The following TCF7L1 variants were observed in gnomAD, a reference collection of about 807,000 sequenced individuals.
TCF7L1 encodes the protein transcription factor 7-like 1.
A neutral mutation model predicts 63.7 loss-of-function variants in TCF7L1; 18 were observed. The ratio of observed to expected loss-of-function variants is 0.28; its 90% CI spans 0.20 to 0.42. TCF7L1 has a LOEUF of 0.42. Among genes scored for constraint, TCF7L1 ranks in the 10% least tolerant of loss-of-function variants. TCF7L1 has a pLI of 1.00. For synonymous variants in TCF7L1, 355 were observed against 340.9 expected (o/e 1.04, Z -0.46); for missense variants, 654 against 779.3 (o/e 0.84, Z 1.91).
chr2:85,147,185 T>G (rs1677898558), intron 3 of TCF7L1, among the ~76,000 whole-genome samples: 1 of 152,178 alleles, frequency 6.6e-6, no homozygotes, highest in Non-Finnish European at 1.5e-5. Flanking sequence ...AAAGTCCCTG[T>G]AGTCTCACAT....
At chr2:85,302,667 C>T (rs1558661544) in intron 5 of TCF7L1, 51 bp downstream of exon 5, 3 of 1,571,286 alleles carry the variant, frequency 1.9e-6, no homozygotes, top group South Asian at 1.2e-5. Flanking sequence ...GCGGGCTTCT[C>T]TTTTGTGGGA....
chr2:85,195,713 AT>A (rs1448802483), intron 3 of TCF7L1, among the ~76,000 whole-genome samples: 1 of 151,732 alleles, frequency 6.6e-6, no homozygotes, highest in Non-Finnish European at 1.5e-5. Flanking sequence ...CCCCCGGCCA[AT>A]TTTTGTATTT....
chr2:85,289,108 G>A (rs965058323), intron 4 of TCF7L1, among the ~76,000 whole-genome samples: 5 of 151,974 alleles, frequency 3.3e-5, no homozygotes, highest in South Asian at 2.1e-4. Context: ...TTTTGAAACC[G>A]TAAAAGTAAT....
intron 3 of TCF7L1, among the ~76,000 whole-genome samples, chr2:85,212,893 C>G (rs943558606): frequency 6.6e-6 from 1 of 152,102 alleles, no homozygotes; most frequent in Non-Finnish European, 1.5e-5. Context: ...TCAGAGGACC[C>G]TTCTGTGTCA....
chr2:85,192,691 CTT>C (rs58826165), intron 3 of TCF7L1, among the ~76,000 whole-genome samples: 43 of 134,108 alleles, frequency 3.2e-4, no homozygotes, highest in African/African-American at 1.0e-3. Flanking sequence ...CCTAACTAAT[CTT>C]TTTTTTTTTT....
chr2:85,220,917 A>G (rs925617052), intron 3 of TCF7L1, among the ~76,000 whole-genome samples: 2 of 152,190 alleles, frequency 1.3e-5, no homozygotes, highest in Non-Finnish European at 2.9e-5. Flanking sequence ...CCCATTTCCC[A>G]GTTAAAATAA....
At chr2:85,187,202 T>A (rs1011137294) in intron 3 of TCF7L1, 14 of 152,212 alleles carry the variant, frequency 9.2e-5, no homozygotes, top group African/African-American at 3.4e-4. Flanking sequence ...CTCTCAGCTG[T>A]CAGCTAAAGA....
chr2:85,218,640 G>C (rs1679766799), intron 3 of TCF7L1, among the ~76,000 whole-genome samples: 4 of 104,574 alleles, frequency 3.8e-5, no homozygotes, highest in Admixed American at 2.8e-4. Context: ...TTATTCCAAT[G>C]GGGGGGGGAA....
intron 3 of TCF7L1, among the ~76,000 whole-genome samples, chr2:85,281,046 C>G: frequency 8.1e-6 from 1 of 123,466 alleles, no homozygotes; most frequent in East Asian, 2.4e-4. Context: ...TTTTTTGAGA[C>G]AAGGTCTCAC....
intron 4 of TCF7L1, among the ~76,000 whole-genome samples, chr2:85,293,254 G>A (rs986727057): frequency 2.6e-5 from 4 of 152,176 alleles, no homozygotes; most frequent in African/African-American, 9.7e-5. Context: ...CTGGTGGAAG[G>A]TGACTGAATC....
chr2:85,182,205 C>T (rs1678820739), intron 3 of TCF7L1, among the ~76,000 whole-genome samples: 1 of 152,192 alleles, frequency 6.6e-6, no homozygotes, highest in African/African-American at 2.4e-5. Context: ...ATCCAAGCCT[C>T]TCCATGAGGT....
chr2:85,218,519 G>A lies in TCF7L1; in HGVS notation c.442-64976G>A, dbSNP rs1432752374. Among the ~76,000 whole-genome samples the A allele has an allele frequency of 2.6e-5, 4 of 152,192 alleles. No individual in the cohort carries two copies. In the South Asian group the frequency reaches 8.3e-4, roughly 32 times the overall value. On this transcript the variant is annotated intron_variant, in intron 3 of 11. Coordinates refer to ENST00000282111, the MANE Select transcript of TCF7L1 (RefSeq NM_031283.3). ...GATTTGCCTGCCTTGGCCTCCCAAA[G>A]TTCTGGGATTACAGGCGTGAGCTAC...
Position 85,309,695 on chromosome 2 carries a change from A to C in TCF7L1, c.*233A>C. On this transcript the variant is annotated 3_prime_UTR_variant, in exon 12 of 12. Coordinates refer to ENST00000282111, the MANE Select transcript of TCF7L1 (RefSeq NM_031283.3). ...AAAATCTTTATAAGAAAGAGAACTG[A>C]AAAGTAGCGTGCTATTCGTCCTGTA... is the stretch of plus-strand genomic sequence containing the variant. The C allele has an allele frequency of 2.2e-6, 1 of 455,916 alleles. No individual in the cohort carries two copies. 28.2% of individuals were successfully genotyped at this position (455,916 alleles called of 1,614,324 possible). A position where few individuals can be genotyped will look rare whatever the true frequency, so the allele number is the denominator to read the frequency against.
At chr2:85,206,784 C>T (rs916113254) in intron 3 of TCF7L1, among the ~76,000 whole-genome samples, 2 of 152,138 alleles carry the variant, frequency 1.3e-5, no homozygotes, top group Admixed American at 1.3e-4. Flanking sequence ...AAAAGTGTTG[C>T]ACATACTATA....
intron 3 of TCF7L1, among the ~76,000 whole-genome samples, chr2:85,172,679 G>C (rs923252137): frequency 6.6e-6 from 1 of 152,154 alleles, no homozygotes; most frequent in Non-Finnish European, 1.5e-5. Context: ...GCCCGCCTTG[G>C]CCTCCCAAAG....
Position 85,225,855 on chromosome 2 carries a change from G to A in TCF7L1, c.442-57640G>A, listed in dbSNP as rs190606229. 1.7e-3 allele frequency among the ~76,000 whole-genome samples: 264 copies of A among 152,188 alleles called. 1 individual carries two copies. The highest frequency in any genetic ancestry group is 6.0e-3 in the African/African-American group (248 of 41,530). On this transcript the variant is annotated intron_variant, in intron 3 of 11. Coordinates refer to ENST00000282111, the MANE Select transcript of TCF7L1 (RefSeq NM_031283.3). ...AGAGAGGGCATCCCTGTCTTGTGCCGGTTTTCAAAGGGAATGCTTCTAGTT... is the reference window on the plus strand; with the variant it reads ...AGAGAGGGCATCCCTGTCTTGTGCCAGTTTTCAAAGGGAATGCTTCTAGTT...
chr2:85,241,191 C>G (rs1184398434), intron 3 of TCF7L1, among the ~76,000 whole-genome samples: 1 of 152,192 alleles, frequency 6.6e-6, no homozygotes, highest in Non-Finnish European at 1.5e-5. Flanking sequence ...ATTTTTTACA[C>G]AGCATGTCTT....
intron 3 of TCF7L1, among the ~76,000 whole-genome samples, chr2:85,145,844 TTTTTATTTTA>T (rs571799971): frequency 4.6e-5 from 7 of 152,166 alleles, no homozygotes; most frequent in South Asian, 2.1e-4. Context: ...TTTTGCTATG[TTTTTATTTTA>T]TTTTATTTTA....
chr2:85,134,520 C>T lies in TCF7L1; in HGVS notation c.441+70C>T. 1 of 1,525,686 alleles carries T rather than the reference C, an allele frequency of 6.6e-7. No homozygotes were observed. Among genetic ancestry groups the T allele is most frequent in the Non-Finnish European group, 8.8e-7 (1 of 1,135,938 alleles). 94.5% of individuals were successfully genotyped at this position (1,525,686 alleles called of 1,614,324 possible). On this transcript the variant is annotated intron_variant, in intron 3 of 11. Transcript: ENST00000282111. This position sits in a 1 kb window ranked among gnomAD's most constrained non-coding sequence, Gnocchi z 5.0. ...CCGCAGGATGCGCCCCCGGGCTTGG[C>T]CATGGAGTGGGGGATGGGGCCTTCT...
Sources: allele counts gnomAD v4.1 joint callset (sites outside exome capture counted in the v4.1 genomes callset), GRCh38; gene constraint gnomAD v4.1.1; non-coding constraint Gnocchi (gnomAD v3.1); transcripts MANE v1.5; gene names NCBI Gene and HGNC (gene_info 2026-07-23, HGNC 2026-07-21).